The following NAB1 variants were observed in gnomAD, a reference collection of about 807,000 sequenced individuals.
NAB1 encodes the protein NGFI-A-binding protein 1.
In NAB1, 25 loss-of-function variants were observed where a neutral mutation model predicts 49.9. The ratio of observed to expected loss-of-function variants is 0.50; its 90% CI spans 0.37 to 0.70. The LOEUF (loss-of-function observed/expected upper bound fraction) is 0.70. NAB1 is among the 30% of genes least tolerant of loss of function. The pLI, the probability that NAB1 is intolerant of heterozygous loss-of-function variation, is 0.00. For missense variants in NAB1, 489 were observed against 575.9 expected (o/e 0.85, Z 1.54); for synonymous variants, 198 against 215.6 (o/e 0.92, Z 0.71).
At chr2:190,658,500 C>A (rs1300220217) in intron 3 of NAB1, among the ~76,000 whole-genome samples, 4 of 152,170 alleles carry the variant, frequency 2.6e-5, no homozygotes, top group African/African-American at 7.2e-5. Flanking sequence ...AGAGTAACTT[C>A]CTTCCTCACT....
intron 4 of NAB1, among the ~76,000 whole-genome samples, chr2:190,661,413 C>CA (rs1284745348): frequency 1.3e-5 from 2 of 152,118 alleles, no homozygotes; most frequent in African/African-American, 2.4e-5. Flanking sequence ...AAACAAAAGG[C>CA]AAAATGTGTT....
At position 190,670,675 on chromosome 2, in the gene NAB1, T is replaced by TA. The variant is rs1233524627; in HGVS notation, c.953+217dup. ...CTTTTGAAAGGCATCATTCTCTAGT[T>TA]ACTATAGCATTGTTCTGGTAGTGGT... On this transcript the variant is annotated intron_variant, in intron 5 of 9. Coordinates refer to ENST00000337386, the MANE Select transcript of NAB1 (RefSeq NM_005966.4). This position sits in a 1 kb window ranked among gnomAD's most constrained non-coding sequence, Gnocchi z 5.3. 6.6e-6 allele frequency among the ~76,000 whole-genome samples: 1 copy of TA among 151,158 alleles called. No homozygotes were observed. Among genetic ancestry groups the TA allele is most frequent in the East Asian group, 1.9e-4 (1 of 5,208 alleles).
At position 190,687,229 on chromosome 2, in the gene NAB1, TA is replaced by T; in HGVS notation, c.1289del (p.Asn430IlefsTer16). 1 of 1,590,834 alleles carries T rather than the reference TA, an allele frequency of 6.3e-7. No homozygotes were observed. The highest frequency in any genetic ancestry group is 8.5e-7 in the Non-Finnish European group (1 of 1,173,622). The part of the protein sequence containing the change: ...GERPLNLRMP[N>X]LQNRQPHHFV... The stretch of plus-strand genomic sequence containing the variant: ...AAAGACCTTTGAATCTCCGAATGCC[TA>T]ATTTACAGAACAGACAACCCCATCA... On this transcript the variant is annotated frameshift_variant, in exon 9 of 10. Coordinates refer to ENST00000337386, the MANE Select transcript of NAB1 (RefSeq NM_005966.4). LOFTEE classifies it high-confidence loss of function.
intron 2 of NAB1, chr2:190,653,913 G>C (rs529851790): frequency 6.6e-6 from 1 of 152,284 alleles, no homozygotes; most frequent in South Asian, 2.1e-4. Flanking sequence ...TTTTAAGAAA[G>C]AAGAAGTATT....
intron 6 of NAB1, among the ~76,000 whole-genome samples, chr2:190,683,297 A>ATTTT (rs767640681): frequency 0.013 from 987 of 76,130 alleles, 137 homozygotes; most frequent in African/African-American, 0.041. Flanking sequence ...CTCCCAGCTA[A>ATTTT]TTTTTTTTTT....
intron 6 of NAB1, among the ~76,000 whole-genome samples, chr2:190,681,791 G>C (rs1307163624): frequency 6.6e-6 from 1 of 152,174 alleles, no homozygotes; most frequent in Non-Finnish European, 1.5e-5. Context: ...TTATTGAAAA[G>C]ACCCTGATGG....
rs772268847 is a variant in NAB1, at chr2:190,683,879, A to G, written c.1095+52A>G. ...CATGATAGTATCTGAAGGTTAAAAAATAAATGACTACTTCAACTAGCTTCA... is the reference window on the plus strand; with the variant it reads ...CATGATAGTATCTGAAGGTTAAAAAGTAAATGACTACTTCAACTAGCTTCA... On this transcript the variant is annotated intron_variant, in intron 7 of 9. Coordinates refer to ENST00000337386, the MANE Select transcript of NAB1 (RefSeq NM_005966.4). The G allele has an allele frequency of 7.3e-6, 10 of 1,365,804 alleles. No homozygotes were observed. In the African/African-American group the frequency reaches 1.3e-4, roughly 18 times the overall value. 84.6% of individuals were successfully genotyped at this position (1,365,804 alleles called of 1,614,324 possible). A position where few individuals can be genotyped will look rare whatever the true frequency, so the allele number is the denominator to read the frequency against.
At chr2:190,664,400 G>A (rs1187233182) in intron 4 of NAB1, among the ~76,000 whole-genome samples, 1 of 150,772 alleles carries the variant, frequency 6.6e-6, no homozygotes, top group African/African-American at 2.4e-5. Flanking sequence ...CTGGAATGCA[G>A]TGGTGAGATC....
chr2:190,656,368 A>G (rs1220491738), intron 3 of NAB1, among the ~76,000 whole-genome samples: 1 of 152,212 alleles, frequency 6.6e-6, no homozygotes, highest in Non-Finnish European at 1.5e-5. Context: ...CATCAAGTTC[A>G]TGTATGAAGG....
chr2:190,653,683 G>T (rs572563355), intron 2 of NAB1: 1 of 152,340 alleles, frequency 6.6e-6, no homozygotes, highest in South Asian at 2.1e-4. Context: ...GATCATTAAT[G>T]AGATAGATAT....
intron 5 of NAB1, among the ~76,000 whole-genome samples, chr2:190,672,853 A>G (rs1010684346): frequency 2.0e-5 from 3 of 152,066 alleles, no homozygotes; most frequent in Non-Finnish European, 2.9e-5. Context: ...CCAAAGCCAG[A>G]GGTGGTGAGT....
At chr2:190,662,627 C>T (rs777055778) in intron 4 of NAB1, among the ~76,000 whole-genome samples, 19 of 152,144 alleles carry the variant, frequency 1.2e-4, no homozygotes, top group Non-Finnish European at 2.5e-4. Flanking sequence ...ACTAGGCAAG[C>T]AGTGTACCCC....
chr2:190,659,589 G>C lies in NAB1; in HGVS notation c.413G>C (p.Ser138Thr), dbSNP rs374270789. The change falls in exon 4 of 10, where the codon AGC (serine) becomes ACC (threonine). Residue 138 changes from serine to threonine, a missense_variant. Ser to Thr is a moderately conservative substitution (Grantham distance 58). Transcript: ENST00000337386. The surrounding 1 kb of genome is among the most constrained non-coding windows in gnomAD (Gnocchi z 6.2). ...TGTGCTGCCACCACCTGTGTGCAGAGCTTGGGACAGGGGAAGTCAGATGTG... is the reference window on the plus strand; with the variant it reads ...TGTGCTGCCACCACCTGTGTGCAGACCTTGGGACAGGGGAAGTCAGATGTG... ...PKCAATTCVQSLGQGKSDVVG... is the reference protein window; with the variant it reads ...PKCAATTCVQTLGQGKSDVVG... The C allele has an allele frequency of 1.3e-4, 206 of 1,614,232 alleles. No individual in the cohort carries two copies. The highest frequency in any genetic ancestry group is 1.6e-4 in the Non-Finnish European group (192 of 1,180,034).
At chr2:190,672,046 T>C (rs1441416104) in intron 5 of NAB1, among the ~76,000 whole-genome samples, 1 of 152,142 alleles carries the variant, frequency 6.6e-6, no homozygotes, top group East Asian at 1.9e-4. Flanking sequence ...AGTGCTGGGA[T>C]TACAGGCGTG....
rs1175723571 is a variant in NAB1, at chr2:190,663,488, T to C, written c.819+3493T>C. ...TTATTTATGTACTGTTTGTGGCTGA[T>C]TTTGAGCTACAATGGTGAGTTAAGT... On this transcript the variant is annotated intron_variant, in intron 4 of 9. Transcript: ENST00000337386. The surrounding 1 kb of genome is among the most constrained non-coding windows in gnomAD (Gnocchi z 4.2). 2.0e-5 allele frequency among the ~76,000 whole-genome samples: 3 copies of C among 152,202 alleles called. No individual in the cohort carries two copies. Among genetic ancestry groups the C allele is most frequent in the Admixed American group, 6.5e-5 (1 of 15,278 alleles).
chr2:190,661,071 G>T (rs1694200337), intron 4 of NAB1, among the ~76,000 whole-genome samples: 1 of 152,034 alleles, frequency 6.6e-6, no homozygotes, highest in Non-Finnish European at 1.5e-5. Context: ...TGGACAACAG[G>T]TGTGTGCCAC....
At chr2:190,655,750 T>A (rs1325610871) in intron 2 of NAB1, among the ~76,000 whole-genome samples, 2 of 152,070 alleles carry the variant, frequency 1.3e-5, no homozygotes, top group African/African-American at 4.8e-5. Flanking sequence ...GAAACAGGAG[T>A]TGACCGGTAG....
chr2:190,681,686 G>C (rs1187673612), intron 6 of NAB1, among the ~76,000 whole-genome samples: 1 of 152,138 alleles, frequency 6.6e-6, no homozygotes, highest in Non-Finnish European at 1.5e-5. Context: ...TCTATATCAT[G>C]TCTTTGAATT....
At position 190,670,749 on chromosome 2, in the gene NAB1, G is replaced by A. The variant is rs1487424415; in HGVS notation, c.953+290G>A. Reference sequence around the variant, plus strand: ...CACACTTTGGTTTTGAGTGTGACGAGGGGATTTAGTCAGACAGCATTTATA... The same window carrying A: ...CACACTTTGGTTTTGAGTGTGACGAAGGGATTTAGTCAGACAGCATTTATA... On this transcript the variant is annotated intron_variant, in intron 5 of 9. Transcript: ENST00000337386. This position sits in a 1 kb window ranked among gnomAD's most constrained non-coding sequence, Gnocchi z 5.3. Among the ~76,000 whole-genome samples the A allele has an allele frequency of 6.6e-6, 1 of 152,170 alleles. No homozygotes were observed. Among genetic ancestry groups the A allele is most frequent in the Non-Finnish European group, 1.5e-5 (1 of 68,034 alleles).
Sources: allele counts gnomAD v4.1 joint callset (sites outside exome capture counted in the v4.1 genomes callset), GRCh38; gene constraint gnomAD v4.1.1; non-coding constraint Gnocchi (gnomAD v3.1); transcripts MANE v1.5; gene names NCBI Gene and HGNC (gene_info 2026-07-23, HGNC 2026-07-21).